The following SMURF2 variants were observed in gnomAD, a reference collection of about 807,000 sequenced individuals.
SMURF2 encodes SMAD specific E3 ubiquitin protein ligase 2, also known as E3 ubiquitin-protein ligase SMURF2.
Under a neutral mutation model 109.6 loss-of-function variants are expected in SMURF2, and 48 were observed. That is an observed-to-expected ratio of 0.44 (90% CI 0.35 to 0.56). The LOEUF (loss-of-function observed/expected upper bound fraction) is 0.56, where lower values mean the gene tolerates loss of function less well. SMURF2 is among the 20% of genes least tolerant of loss of function. The probability of loss-of-function intolerance (pLI) is 0.01; values close to 1 mark genes in which losing one functional copy is unlikely to be tolerated. For missense variants in SMURF2, 575 were observed against 909.0 expected, an observed-to-expected ratio of 0.63 and a Z score of 4.72; for synonymous variants, 288 against 317.1, an observed-to-expected ratio of 0.91 and a Z score of 0.97.
intron 1 of SMURF2, among the ~76,000 whole-genome samples, chr17:64,651,748 C>T (rs1222095227): frequency 6.6e-6 from 1 of 151,898 alleles, no homozygotes; most frequent in African/African-American, 2.4e-5. Flanking sequence ...CACAGTGAGG[C>T]CCCATGTCTA....
chr17:64,632,416 C>T (rs1308275686), intron 1 of SMURF2, among the ~76,000 whole-genome samples: 2 of 152,154 alleles, frequency 1.3e-5, no homozygotes, highest in Non-Finnish European at 2.9e-5. Context: ...ACTGACCATG[C>T]CCCTACACAC....
chr17:64,608,645 T>C (rs1970004196), intron 1 of SMURF2, among the ~76,000 whole-genome samples: 1 of 152,202 alleles, frequency 6.6e-6, no homozygotes, highest in South Asian at 2.1e-4. Context: ...ATTCATGAAG[T>C]GAAATGATTT....
intron 5 of SMURF2, among the ~76,000 whole-genome samples, chr17:64,589,559 G>A (rs1408133475): frequency 6.6e-6 from 1 of 151,874 alleles, no homozygotes; most frequent in African/African-American, 2.4e-5. Flanking sequence ...GCAGGTGAGT[G>A]AGCATTACCA....
chr17:64,562,825 T>C lies in SMURF2; in HGVS notation c.1158A>G (p.Gln386=), dbSNP rs80348701. ...LKILRQELSQ[Q]QPQAGHCRIE... Reference sequence around the variant, plus strand: ...TGCGGCAATGACCTGCCTGAGGCTGTTGTTGGGAAAGTTCTTGCCGCAAAA... The same window carrying C: ...TGCGGCAATGACCTGCCTGAGGCTGCTGTTGGGAAAGTTCTTGCCGCAAAA... The change falls in exon 11 of 19, where the codon CAA becomes CAG. Residue 386 remains glutamine, a synonymous_variant. Transcript: ENST00000262435. The C allele has an allele frequency of 2.5e-6, 4 of 1,614,048 alleles. No homozygotes were observed. The highest frequency in any genetic ancestry group is 1.7e-5 in the Admixed American group (1 of 60,006).
At chr17:64,604,892 C>T (rs551033542) in intron 2 of SMURF2, among the ~76,000 whole-genome samples, 4 of 150,808 alleles carry the variant, frequency 2.7e-5, no homozygotes, top group Non-Finnish European at 4.4e-5. Flanking sequence ...TGCAGTGAGC[C>T]GAGATCACAC....
chr17:64,559,124 T>C (rs1598270655), intron 12 of SMURF2, among the ~76,000 whole-genome samples: 1 of 152,174 alleles, frequency 6.6e-6, no homozygotes, highest in East Asian at 1.9e-4. Flanking sequence ...TTGGTGTGTG[T>C]ATGTGTTTTT....
chr17:64,566,022 T>C (rs957399862), intron 10 of SMURF2, among the ~76,000 whole-genome samples: 4 of 151,982 alleles, frequency 2.6e-5, no homozygotes, highest in Non-Finnish European at 4.4e-5. Flanking sequence ...ATAAAAACCA[T>C]AATAGATGTA....
rs782446738 is a variant in SMURF2, at chr17:64,586,195, A to C, written c.401-25T>G. The C allele has an allele frequency of 2.1e-6, 3 of 1,455,786 alleles. No individual in the cohort carries two copies. The African/African-American group carries it at 4.2e-5, about 20-fold the overall frequency. 90.2% of individuals were successfully genotyped at this position (1,455,786 alleles called of 1,614,324 possible). A position where few individuals can be genotyped will look rare whatever the true frequency, so the allele number is the denominator to read the frequency against. ...ACTATTAAATGACAGAAATATTACT[A>C]AGATTCATACAACTAGAAAGAACTA... On this transcript the variant is annotated intron_variant, in intron 5 of 18. Transcript: ENST00000262435.
At chr17:64,573,152 GGAGGAGGAGGGGGA>G (rs1555685719) in intron 9 of SMURF2, 1 of 49,060 alleles carries the variant, frequency 2.0e-5, no homozygotes, top group African/African-American at 1.1e-4. Context: ...AGGAGGAGGA[GGAGGAGGAGGGGGA>G]GGAGGAGGAG....
intron 1 of SMURF2, among the ~76,000 whole-genome samples, chr17:64,627,020 T>A (rs1970276700): frequency 6.6e-6 from 1 of 151,106 alleles, no homozygotes; most frequent in South Asian, 2.1e-4. Context: ...CAACTGATAC[T>A]GAGTGAGGAC....
intron 1 of SMURF2, among the ~76,000 whole-genome samples, chr17:64,655,312 A>C (rs1024815212): frequency 8.5e-6 from 1 of 117,838 alleles, no homozygotes; most frequent in African/African-American, 3.4e-5. Flanking sequence ...CCCAGGCTGG[A>C]GTGCAGTGGC....
At position 64,583,496 on chromosome 17, in the gene SMURF2, A is replaced by G. The variant is rs1438389906; in HGVS notation, c.534T>C (p.His178=). 10 of 1,613,908 alleles carry G rather than the reference A, an allele frequency of 6.2e-6. No homozygotes were observed. The highest frequency in any genetic ancestry group is 8.5e-6 in the Non-Finnish European group (10 of 1,179,944). The part of the protein sequence containing the change: ...TASGRIQYLN[H]ITRTTQWERP... ...GCTCCCATTGCGTAGTTCTTGTTAT[A>G]TGGTTTAGATACTGGATTCTTCCAG... is the stretch of plus-strand genomic sequence containing the variant. Residue 178 remains histidine (H), a synonymous_variant, in exon 7 of 19, where the codon CAT becomes CAC. Coordinates refer to ENST00000262435, the MANE Select transcript of SMURF2 (RefSeq NM_022739.4).
chr17:64,629,097 T>C (rs1164218888), intron 1 of SMURF2, among the ~76,000 whole-genome samples: 2 of 152,050 alleles, frequency 1.3e-5, no homozygotes, highest in African/African-American at 4.8e-5. Context: ...TATCTAATAC[T>C]CCCATGCCCA....
rs145995637 is a variant in SMURF2, at chr17:64,601,083, A to G, written c.92-2593T>C. Reference sequence around the variant, plus strand: ...GGGCAACATAGTAAGACCACCCCCCATCCCCCACAAAATAATTTAAAAGTT... The same window carrying G: ...GGGCAACATAGTAAGACCACCCCCCGTCCCCCACAAAATAATTTAAAAGTT... On this transcript the variant is annotated intron_variant, in intron 2 of 18. Coordinates refer to ENST00000262435, the MANE Select transcript of SMURF2 (RefSeq NM_022739.4). Among the ~76,000 whole-genome samples, 1,056 of 152,018 alleles carry G rather than the reference A, an allele frequency of 6.9e-3. 13 individuals are homozygous for G. The highest frequency in any genetic ancestry group is 0.024 in the African/African-American group (986 of 41,454).
At chr17:64,565,809 T>C (rs138029779) in intron 10 of SMURF2, among the ~76,000 whole-genome samples, 184 of 152,160 alleles carry the variant, frequency 1.2e-3, no homozygotes, top group Non-Finnish European at 2.1e-3. Flanking sequence ...TCAGTTACTA[T>C]AGCTACTATT....
At chr17:64,612,392 G>A (rs781980253) in intron 1 of SMURF2, among the ~76,000 whole-genome samples, 22 of 151,914 alleles carry the variant, frequency 1.4e-4, no homozygotes, top group Non-Finnish European at 2.2e-4. Flanking sequence ...TTTAGGCCAG[G>A]TACTGTGGCT....
At chr17:64,639,271 T>C (rs546003707) in intron 1 of SMURF2, among the ~76,000 whole-genome samples, 1 of 152,236 alleles carries the variant, frequency 6.6e-6, no homozygotes, top group East Asian at 1.9e-4. Flanking sequence ...GACCCTCAGA[T>C]TGGGTCTTGA....
chr17:64,559,350 C>T (rs1042981569), intron 12 of SMURF2, among the ~76,000 whole-genome samples: 3 of 152,150 alleles, frequency 2.0e-5, no homozygotes, highest in East Asian at 3.9e-4. Flanking sequence ...AATCCCAGCA[C>T]TTTGGGAGGC....
chr17:64,659,885 G>A (rs1226824655), intron 1 of SMURF2, among the ~76,000 whole-genome samples: 1 of 152,108 alleles, frequency 6.6e-6, no homozygotes, highest in Non-Finnish European at 1.5e-5. Flanking sequence ...CAAATTTTAA[G>A]AGAAAACTAT....
Sources: gnomAD v4.1 joint callset for allele counts (sites outside exome capture counted in the v4.1 genomes callset) on GRCh38, gnomAD v4.1.1 for gene constraint, MANE v1.5 for transcripts, NCBI Gene and HGNC (gene_info 2026-07-23, HGNC 2026-07-21) for gene names.